NWD1: variants seen among roughly 807,000 people sequenced by gnomAD.
NWD1 encodes NACHT domain- and WD repeat-containing protein 1.
In NWD1, 129 loss-of-function variants were observed where a neutral mutation model predicts 135.1. That is an observed-to-expected ratio of 0.96 (90% CI 0.83 to 1.11). The LOEUF is 1.11. NWD1 is among the 50% of genes least tolerant of loss of function. NWD1 has a pLI of 0.00. For missense variants in NWD1, 1,740 were observed against 1,851.3 expected (o/e 0.94, Z 1.10); for synonymous variants, 773 against 786.0 (o/e 0.98, Z 0.28).
intron 6 of NWD1, among the ~76,000 whole-genome samples, chr19:16,753,750 A>G (rs1968668491): frequency 6.6e-6 from 1 of 152,240 alleles, no homozygotes; most frequent in East Asian, 1.9e-4. Context: ...GCAGAGAGTA[A>G]GAAACCTTGC....
intron 7 of NWD1, among the ~76,000 whole-genome samples, chr19:16,760,944 C>T (rs528245875): frequency 6.6e-6 from 1 of 152,160 alleles, no homozygotes; most frequent in South Asian, 2.1e-4. Flanking sequence ...AATGTTGCAC[C>T]CCTCACCTCT....
In NWD1 at chr19:16,773,203, C is replaced by T; in HGVS notation, c.2488C>T (p.Leu830=). The change falls in exon 11 of 19, where the codon CTA becomes TTA. Residue 830 remains leucine, a synonymous_variant. Coordinates refer to ENST00000524140, the MANE Select transcript of NWD1 (RefSeq NM_001007525.5). ...ATSHPALVGQ[L]CQQAQSWFQL... is the part of the protein sequence containing the mutation. ...CTCACATCCAGCACTGGTGGGACAG[C>T]TATGCCAACAGGCCCAGAGCTGGTT... 1 of 1,613,852 alleles carries T rather than the reference C, an allele frequency of 6.2e-7. No individual in the cohort carries two copies. The highest frequency in any genetic ancestry group is 8.5e-7 in the Non-Finnish European group (1 of 1,179,982).
At chr19:16,800,266 G>T in intron 17 of NWD1, 104 bp downstream of exon 17, 5 of 1,177,820 alleles carry the variant, frequency 4.2e-6, no homozygotes, top group Non-Finnish European at 4.8e-6. Flanking sequence ...GGGCCCCATG[G>T]CTCACGCCTG....
At chr19:16,802,972 C>A (rs1312810564) in intron 17 of NWD1, among the ~76,000 whole-genome samples, 1 of 149,674 alleles carries the variant, frequency 6.7e-6, no homozygotes, top group African/African-American at 2.5e-5. Flanking sequence ...AAAAGACATA[C>A]CTGAGACTGG....
intron 17 of NWD1, among the ~76,000 whole-genome samples, chr19:16,801,878 G>A (rs150795937): frequency 2.0e-5 from 3 of 152,046 alleles, no homozygotes; most frequent in Admixed American, 6.6e-5. Flanking sequence ...GTTAGTTCTC[G>A]CGAGGTTGTT....
In NWD1 at chr19:16,807,865, C is replaced by G. The variant is rs1035943481; in HGVS notation, c.4016C>G (p.Pro1339Arg). Residue 1339 changes from proline (P) to arginine (R), a missense_variant, in exon 18 of 19, where the codon CCA becomes CGA. Physicochemically the swap from Pro to Arg is moderately radical, Grantham distance 103 (BLOSUM62 -2). Coordinates refer to ENST00000524140, the MANE Select transcript of NWD1 (RefSeq NM_001007525.5). ...SGDPCPVIDG[P>R]RYTFYTQLPE... Reference sequence around the variant, plus strand: ...GACCCCTGCCCGGTCATCGATGGGCCAAGATACACCTTTTACACTCAGCTG... The same window carrying G: ...GACCCCTGCCCGGTCATCGATGGGCGAAGATACACCTTTTACACTCAGCTG... The G allele has an allele frequency of 6.2e-7, 1 of 1,614,200 alleles. No homozygotes were observed. Among genetic ancestry groups the G allele is most frequent in the Non-Finnish European group, 8.5e-7 (1 of 1,180,042 alleles).
chr19:16,807,756 A>T lies in NWD1; in HGVS notation c.3907A>T (p.Asn1303Tyr). Residue 1303 changes from asparagine to tyrosine, a missense_variant, in exon 18 of 19, where the codon AAC becomes TAC. Transcript: ENST00000524140. ...IPPPEARKAI[N>Y]CMSLSKCEDR... Reference sequence around the variant, plus strand: ...CCCTCCCGAGGCCCGGAAAGCAATCAACTGCATGTCCCTGAGCAAGTGCGA... The same window carrying T: ...CCCTCCCGAGGCCCGGAAAGCAATCTACTGCATGTCCCTGAGCAAGTGCGA... The T allele has an allele frequency of 6.2e-7, 1 of 1,613,284 alleles. No individual in the cohort carries two copies. Among genetic ancestry groups the T allele is most frequent in the South Asian group, 1.1e-5 (1 of 91,062 alleles).
intron 6 of NWD1, among the ~76,000 whole-genome samples, chr19:16,755,501 GTC>G (rs1968756131): frequency 6.6e-6 from 1 of 152,152 alleles, no homozygotes; most frequent in Non-Finnish European, 1.5e-5. Flanking sequence ...TGATTCTCAT[GTC>G]TCAGCCTCTC....
At chr19:16,753,643 G>A (rs1372508051) in intron 6 of NWD1, among the ~76,000 whole-genome samples, 4 of 152,156 alleles carry the variant, frequency 2.6e-5, no homozygotes, top group Non-Finnish European at 5.9e-5. Flanking sequence ...TGCTCCTGGT[G>A]TCTTTACTGA....
intron 17 of NWD1, among the ~76,000 whole-genome samples, chr19:16,802,152 C>T (rs536486366): frequency 5.9e-5 from 9 of 151,710 alleles, no homozygotes; most frequent in South Asian, 2.1e-4. Context: ...GACGTGGTGG[C>T]GGGCACCTGT....
At position 16,744,587 on chromosome 19, in the gene NWD1, A is replaced by T. The variant is rs778315696; in HGVS notation, c.365A>T (p.Gln122Leu). ...ENAFPPTYVL[Q>L]APGTGEACEP... The stretch of plus-strand genomic sequence containing the variant: ...GCGTTTCCTCCCACCTACGTCCTGC[A>T]GGCACCAGGTACTGGGGAGGCCTGT... The change falls in exon 5 of 19, where the codon CAG (glutamine) becomes CTG (leucine). Residue 122 changes from glutamine (Q) to leucine (L), a missense_variant. Physicochemically the swap from Gln to Leu is moderately radical, Grantham distance 113. Transcript: ENST00000524140. The T allele has an allele frequency of 2.0e-6, 3 of 1,535,078 alleles. No individual in the cohort carries two copies. The South Asian group carries it at 3.6e-5, about 18-fold the overall frequency.
chr19:16,732,073 C>T (rs922433254), intron 3 of NWD1, among the ~76,000 whole-genome samples: 11 of 151,760 alleles, frequency 7.2e-5, no homozygotes, highest in South Asian at 6.3e-4. Context: ...AAAAATTAGC[C>T]GGGCGTGGTG....
intron 5 of NWD1, chr19:16,745,179 A>G (rs7247028): frequency 0.3 from 121,523 of 407,802 alleles, 19,469 homozygotes; most frequent in Middle Eastern, 0.47. Context: ...GCGAAAGGGG[A>G]AATTCCTTAT....
chr19:16,814,550 T>C (rs993811743), intron 18 of NWD1, among the ~76,000 whole-genome samples: 1 of 152,226 alleles, frequency 6.6e-6, no homozygotes, highest in Non-Finnish European at 1.5e-5. Context: ...GCCTACTACA[T>C]TGTAGTTGAA....
At chr19:16,793,512 C>T (rs934760053) in intron 14 of NWD1, among the ~76,000 whole-genome samples, 1 of 151,944 alleles carries the variant, frequency 6.6e-6, no homozygotes, top group Non-Finnish European at 1.5e-5. Context: ...AGGCGTGACC[C>T]ACTGTACCTG....
chr19:16,762,250 C>T, intron 8 of NWD1, 112 bp downstream of exon 8: 1 of 919,080 alleles, frequency 1.1e-6, no homozygotes, highest in Non-Finnish European at 1.7e-6. Context: ...CCTACTTCTC[C>T]TTTCCGCACA....
Position 16,765,005 on chromosome 19 carries a change from C to T in NWD1, c.2252-29C>T, listed in dbSNP as rs766937039. The T allele has an allele frequency of 3.1e-6, 5 of 1,611,972 alleles. No homozygotes were observed. The Admixed American group carries it at 8.3e-5, about 27-fold the overall frequency. ...ATGAACTGGAGGGAGGTAGGCACTT[C>T]CCACATCCTCCCCCCTTCTCTCCCT... is the stretch of plus-strand genomic sequence containing the variant. On this transcript the variant is annotated intron_variant, in intron 9 of 18. Coordinates refer to ENST00000524140, the MANE Select transcript of NWD1 (RefSeq NM_001007525.5).
chr19:16,773,359 C>T, intron 11 of NWD1, 36 bp downstream of exon 11: 2 of 1,564,498 alleles, frequency 1.3e-6, no homozygotes, highest in Non-Finnish European at 1.7e-6. Context: ...TCCCAGCAGG[C>T]ACCTGCTTGC....
chr19:16,811,180 A>G (rs1292292193), intron 18 of NWD1, among the ~76,000 whole-genome samples: 1 of 152,190 alleles, frequency 6.6e-6, no homozygotes, highest in Non-Finnish European at 1.5e-5. Context: ...CTAGAATCCA[A>G]TCCAGGATTC....
Sources: allele counts gnomAD v4.1 joint callset (sites outside exome capture counted in the v4.1 genomes callset), GRCh38; gene constraint gnomAD v4.1.1; transcripts MANE v1.5; gene names NCBI Gene and HGNC (gene_info 2026-07-23, HGNC 2026-07-21).